SNX25: variants seen among roughly 807,000 people sequenced by gnomAD.
SNX25 encodes sorting nexin 25.
A neutral mutation model predicts 113.7 loss-of-function variants in SNX25; 62 were observed. That is an observed-to-expected ratio of 0.55 (90% confidence interval 0.44 to 0.67). The LOEUF is 0.67. Ranked by LOEUF, SNX25 falls within the 30% of genes least tolerant of loss-of-function variation. SNX25 has a pLI of 0.00. For synonymous variants in SNX25, 421 were observed against 436.2 expected, an observed-to-expected ratio of 0.97 and a Z score of 0.43; for missense variants, 1,014 against 1,161.0, an observed-to-expected ratio of 0.87 and a Z score of 1.84.
downstream of SNX25, chr4:185,372,760 G>T: frequency 9.5e-7 from 1 of 1,047,230 alleles, no homozygotes; most frequent in African/African-American, 1.6e-5. Flanking sequence ...CCCTCTCCTG[G>T]CCTCTGGAAC....
downstream of SNX25, among the ~76,000 whole-genome samples, chr4:185,371,541 A>T (rs1426672169): frequency 3.3e-4 from 2 of 6,140 alleles, no homozygotes; most frequent in Non-Finnish European, 6.1e-4. Context: ...GACTCCGTCT[A>T]AAAAAAAAAA....
chr4:185,242,462 G>A (rs1159071410), intron 1 of SNX25, among the ~76,000 whole-genome samples: 5 of 152,038 alleles, frequency 3.3e-5, no homozygotes, highest in Admixed American at 1.3e-4. Context: ...AGCCCCCTTT[G>A]GGTTCAGTTA....
At chr4:185,374,469 AAAAG>A (rs551944280), downstream of SNX25, 138 of 1,605,846 alleles carry the variant, frequency 8.6e-5, no homozygotes, top group South Asian at 1.1e-3. Flanking sequence ...CTCCTTCGAC[AAAAG>A]AAAGAGCAAA....
the SNX25 span, chr4:185,378,155 T>A: frequency 1.2e-6 from 2 of 1,613,964 alleles, no homozygotes; most frequent in South Asian, 2.2e-5. Flanking sequence ...ATAAAAGGGG[T>A]TCTTGGGCAA....
At chr4:185,330,056 A>G (rs927387432) in intron 9 of SNX25, among the ~76,000 whole-genome samples, 2 of 152,206 alleles carry the variant, frequency 1.3e-5, no homozygotes, top group Non-Finnish European at 2.9e-5. Context: ...AAAGTGGCTC[A>G]ATAGTCAAAG....
At position 185,209,866 on chromosome 4, in the gene SNX25, AG is replaced by A; in HGVS notation, c.41del (p.Ser14ThrfsTer74). 1.0e-6 allele frequency: 1 copy of A among 982,672 alleles called. No homozygotes were observed. Among genetic ancestry groups the A allele is most frequent in the African/African-American group, 1.8e-5 (1 of 56,808 alleles). 60.9% of individuals were successfully genotyped at this position (982,672 alleles called of 1,614,324 possible). A position where few individuals can be genotyped will look rare whatever the true frequency, so the allele number is the denominator to read the frequency against. ...GACCGACAGTGGCGGCGCCGGCCCC[AG>A]CCCCGCGCGGGCCGCAGGCGCCGGC... is the stretch of plus-strand genomic sequence containing the variant. ...DATDSGGAGPSPARAAGAGGR... is the reference protein window; with the variant it reads ...DATDSGGAGPXPARAAGAGGR... On this transcript the variant is annotated frameshift_variant, in exon 1 of 19. Transcript: ENST00000652585. LOFTEE classifies it high-confidence loss of function. The surrounding 1 kb of genome is among the most constrained non-coding windows in gnomAD (Gnocchi z 5.2).
At chr4:185,321,784 A>G (rs756307256) in intron 8 of SNX25, among the ~76,000 whole-genome samples, 3 of 151,914 alleles carry the variant, frequency 2.0e-5, no homozygotes, top group Admixed American at 1.3e-4. Flanking sequence ...TTTGGGGGGA[A>G]AAAAACTGCA....
chr4:185,376,838 C>T, the SNX25 span: 5 of 1,041,732 alleles, frequency 4.8e-6, no homozygotes, highest in East Asian at 7.3e-5. Context: ...AGAAACTCTA[C>T]ATGAAATTTT....
rs1192740300 is a variant in SNX25 at position 185,210,419 on chromosome 4, C to T, written c.429+164C>T. On this transcript the variant is annotated intron_variant, in intron 1 of 18. Coordinates refer to ENST00000652585, the MANE Select transcript of SNX25 (RefSeq NM_001378034.2). This position sits in a 1 kb window ranked among gnomAD's most constrained non-coding sequence, Gnocchi z 4.4. ...GCCCGGCCGTGGACGCGAGCGTTCC[C>T]CGGCGCCCGCGCGCGGCGGGCTCCG... is the stretch of plus-strand genomic sequence containing the variant. Among the ~76,000 whole-genome samples, 1 of 137,450 alleles carries T rather than the reference C, an allele frequency of 7.3e-6. No homozygotes were observed. Among genetic ancestry groups the T allele is most frequent in the African/African-American group, 2.5e-5 (1 of 40,294 alleles). 90.2% of individuals were successfully genotyped at this position (137,450 alleles called of 152,430 possible). A position where few individuals can be genotyped will look rare whatever the true frequency, so the allele number is the denominator to read the frequency against.
At chr4:185,271,811 G>A (rs1378521194) in intron 5 of SNX25, among the ~76,000 whole-genome samples, 3 of 152,144 alleles carry the variant, frequency 2.0e-5, no homozygotes, top group South Asian at 2.1e-4. Flanking sequence ...CTGTTAGGGC[G>A]GAATGCGCTA....
chr4:185,241,526 G>GGGA lies in SNX25; in HGVS notation c.430-5767_430-5766insGAG, dbSNP rs1358733958. 1.1e-4 allele frequency among the ~76,000 whole-genome samples: 6 copies of GGGA among 55,490 alleles called. 3 individuals are homozygous for GGGA. Among genetic ancestry groups the GGGA allele is most frequent in the Non-Finnish European group, 2.1e-4 (4 of 19,058 alleles). The allele number at this position is 55,490 out of a possible 152,430, so 36.4% of individuals were successfully genotyped here. A position where few individuals can be genotyped will look rare whatever the true frequency, so the allele number is the denominator to read the frequency against. ...GACCGTGGGGAGAGGGAGAGGGAGA[G>GGGA]GAGGGAGAGGGAGAGGAGGGAGAGG... On this transcript the variant is annotated intron_variant, in intron 1 of 18. Coordinates refer to ENST00000652585, the MANE Select transcript of SNX25 (RefSeq NM_001378034.2).
intron 1 of SNX25, among the ~76,000 whole-genome samples, chr4:185,216,650 A>G (rs915062932): frequency 6.0e-5 from 9 of 149,886 alleles, no homozygotes; most frequent in Non-Finnish European, 1.2e-4. Flanking sequence ...CTCCCGAGTC[A>G]CTGGGATGAT....
At chr4:185,298,784 T>G (rs2587162) in intron 6 of SNX25, among the ~76,000 whole-genome samples, 55,610 of 152,052 alleles carry the variant, frequency 0.37, 10,444 homozygotes, top group East Asian at 0.5. Flanking sequence ...TCCTCCTTAT[T>G]CATTATAGTT....
intron 5 of SNX25, among the ~76,000 whole-genome samples, chr4:185,284,401 CAG>C: frequency 6.6e-6 from 1 of 152,180 alleles, no homozygotes; most frequent in South Asian, 2.1e-4. Flanking sequence ...TCAGAGAAGA[CAG>C]ATATTGGTGT....
chr4:185,282,890 G>A (rs1225570814), intron 5 of SNX25, among the ~76,000 whole-genome samples: 2 of 152,150 alleles, frequency 1.3e-5, no homozygotes, highest in African/African-American at 2.4e-5. Context: ...AAAGAAAACC[G>A]AGTGAGTGCC....
intron 1 of SNX25, among the ~76,000 whole-genome samples, chr4:185,238,470 C>T (rs528090067): frequency 6.6e-6 from 1 of 152,144 alleles, no homozygotes; most frequent in African/African-American, 2.4e-5. Flanking sequence ...TTCTTCATTT[C>T]TTTGGTTTTG....
the SNX25 span, chr4:185,378,164 A>G: frequency 6.2e-7 from 1 of 1,614,080 alleles, no homozygotes; most frequent in Non-Finnish European, 8.5e-7. Context: ...GTTCTTGGGC[A>G]ACTTTTCACT....
chr4:185,281,861 C>G (rs1159463160), intron 5 of SNX25, among the ~76,000 whole-genome samples: 2 of 151,912 alleles, frequency 1.3e-5, no homozygotes, highest in Non-Finnish European at 2.9e-5. Flanking sequence ...ACGAAAAATA[C>G]AAAAATTAGC....
At chr4:185,306,388 C>T (rs547943422) in intron 6 of SNX25, among the ~76,000 whole-genome samples, 4 of 152,362 alleles carry the variant, frequency 2.6e-5, no homozygotes, top group East Asian at 3.9e-4. Context: ...TCAAACAGAA[C>T]GCATTCACGT....
Sources: allele counts gnomAD v4.1 joint callset (sites outside exome capture counted in the v4.1 genomes callset), GRCh38; gene constraint gnomAD v4.1.1; non-coding constraint Gnocchi (gnomAD v3.1); transcripts MANE v1.5; gene names NCBI Gene and HGNC (gene_info 2026-07-23, HGNC 2026-07-21).